GATA4: variants seen among roughly 807,000 people sequenced by gnomAD.
GATA4 encodes transcription factor GATA-4.
A neutral mutation model predicts 37.9 loss-of-function variants in GATA4; 7 were observed. That is an observed-to-expected ratio of 0.18 (90% confidence interval 0.11 to 0.35). GATA4 has a LOEUF of 0.35. GATA4 is among the 10% of genes least tolerant of loss of function. The pLI is 1.00. For missense variants in GATA4, 647 were observed against 653.0 expected, an observed-to-expected ratio of 0.99 and a Z score of 0.10; for synonymous variants, 372 against 292.6, an observed-to-expected ratio of 1.27 and a Z score of -2.77.
intron 2 of GATA4, among the ~76,000 whole-genome samples, chr8:11,723,945 A>C (rs977680367): frequency 8.6e-5 from 13 of 151,880 alleles, no homozygotes; most frequent in Non-Finnish European, 1.6e-4. Context: ...CCCAAGTGAA[A>C]CTCTGTACCC....
At chr8:11,694,463 C>A in intron 1 of GATA4, 1 of 985,252 alleles carries the variant, frequency 1.0e-6, no homozygotes, top group Non-Finnish European at 1.2e-6. Flanking sequence ...TGCGCTGCCA[C>A]CAGCTCTCCG....
At position 11,708,802 on chromosome 8, in the gene GATA4, G is replaced by A. The variant is rs1585596734; in HGVS notation, c.490G>A (p.Ala164Thr). 1 of 1,478,620 alleles carries A rather than the reference G, an allele frequency of 6.8e-7. No individual in the cohort carries two copies. Among genetic ancestry groups the A allele is most frequent in the Middle Eastern group, 2.4e-4 (1 of 4,184 alleles). 91.6% of individuals were successfully genotyped at this position (1,478,620 alleles called of 1,614,324 possible). The change falls in exon 2 of 7, where the codon GCT becomes ACT. Residue 164 changes from alanine to threonine, a missense_variant. Around this residue, in one of 5 missense-constraint regions of GATA4, gnomAD observed 379 missense variants for 334.5 expected, o/e 1.13. Coordinates refer to ENST00000532059, the MANE Select transcript of GATA4 (RefSeq NM_001308093.3). This position sits in a 1 kb window ranked among gnomAD's most constrained non-coding sequence, Gnocchi z 6.7. ...GGGCTCCTACTCCAGCCCCTACCCG[G>A]CTTACATGGCCGACGTGGGCGCGTC... ...FAGSYSSPYP[A>T]YMADVGASWA...
Position 11,707,418 on chromosome 8 carries a change from C to T in GATA4, c.-457-438C>T, listed in dbSNP as rs189141573. Among the ~76,000 whole-genome samples, 439 of 151,950 alleles carry T rather than the reference C, an allele frequency of 2.9e-3. 5 individuals are homozygous for T. The highest frequency in any genetic ancestry group is 9.7e-3 in the African/African-American group (402 of 41,410). On this transcript the variant is annotated intron_variant, in intron 1 of 6. Transcript: ENST00000532059. This position sits in a 1 kb window ranked among gnomAD's most constrained non-coding sequence, Gnocchi z 4.7. ...GGACAATCTAAAGTTCTTTCTAGGCCAGTCTCCCCATCTTTCTTGGGGAGA... is the reference window on the plus strand; with the variant it reads ...GGACAATCTAAAGTTCTTTCTAGGCTAGTCTCCCCATCTTTCTTGGGGAGA...
chr8:11,742,877 G>C (rs1801821980), intron 2 of GATA4, among the ~76,000 whole-genome samples: 1 of 152,258 alleles, frequency 6.6e-6, no homozygotes, highest in African/African-American at 2.4e-5. Flanking sequence ...GGTTCAGCAA[G>C]GGACATTTGG....
At chr8:11,711,203 T>G (rs1321651787) in intron 2 of GATA4, among the ~76,000 whole-genome samples, 1 of 152,234 alleles carries the variant, frequency 6.6e-6, no homozygotes, top group Non-Finnish European at 1.5e-5. Flanking sequence ...TGAAGTGATG[T>G]TTCCCAAATT....
chr8:11,743,303 C>T (rs932184403), intron 2 of GATA4, among the ~76,000 whole-genome samples: 5 of 152,348 alleles, frequency 3.3e-5, no homozygotes, highest in South Asian at 2.1e-4. Context: ...TGGACAGGGG[C>T]GCGTATACAG....
At chr8:11,684,257 C>A (rs1799069516) in intron 1 of GATA4, among the ~76,000 whole-genome samples, 1 of 152,150 alleles carries the variant, frequency 6.6e-6, no homozygotes. Flanking sequence ...CAGGGAGTAG[C>A]CAAAGAATTG....
At chr8:11,719,730 A>G (rs1472819713) in intron 2 of GATA4, among the ~76,000 whole-genome samples, 1 of 152,222 alleles carries the variant, frequency 6.6e-6, no homozygotes, top group Non-Finnish European at 1.5e-5. Flanking sequence ...TTCAGCACTG[A>G]TGGCAATTTC....
intron 2 of GATA4, among the ~76,000 whole-genome samples, chr8:11,721,163 C>G (rs964170955): frequency 1.3e-5 from 2 of 151,358 alleles, no homozygotes; most frequent in African/African-American, 2.4e-5. Context: ...GTGGGTTCTA[C>G]GGAGCCCTTA....
intron 2 of GATA4, among the ~76,000 whole-genome samples, chr8:11,742,070 C>A (rs2130268061): frequency 6.6e-6 from 1 of 152,238 alleles, no homozygotes; most frequent in South Asian, 2.1e-4. Flanking sequence ...CATTGCCATC[C>A]TCTCCTGGAC....
intron 1 of GATA4, among the ~76,000 whole-genome samples, chr8:11,697,407 T>C (rs1359303700): frequency 6.6e-6 from 1 of 152,082 alleles, no homozygotes; most frequent in Non-Finnish European, 1.5e-5. Context: ...CTCCCCTTTC[T>C]TGAGACTGTT....
At position 11,758,536 on chromosome 8, in the gene GATA4, G is replaced by A. The variant is rs1802724854; in HGVS notation, c.*61G>A. 1.3e-6 allele frequency: 2 copies of A among 1,563,574 alleles called. No homozygotes were observed. Among genetic ancestry groups the A allele is most frequent in the South Asian group, 2.2e-5 (2 of 90,006 alleles). ...CTGGGACTTGGAGGATAGCAAAGAA[G>A]GAGGCCCTGGGCTCCCAGGGGCCGG... On this transcript the variant is annotated 3_prime_UTR_variant, in exon 7 of 7. Transcript: ENST00000532059.
At chr8:11,697,290 C>T (rs1041768792) in intron 1 of GATA4, among the ~76,000 whole-genome samples, 3 of 152,220 alleles carry the variant, frequency 2.0e-5, no homozygotes, top group Non-Finnish European at 4.4e-5. Context: ...GGAAACCAGC[C>T]GCAAAGAAAT....
upstream of GATA4, among the ~76,000 whole-genome samples, chr8:11,703,045 C>T (rs1183849226): frequency 6.6e-6 from 1 of 152,216 alleles, no homozygotes; most frequent in African/African-American, 2.4e-5. Context: ...TGATTTCCTA[C>T]TACGGAAGCG....
intron 2 of GATA4, among the ~76,000 whole-genome samples, chr8:11,721,473 G>A (rs183745835): frequency 5.2e-4 from 79 of 151,854 alleles, no homozygotes; most frequent in African/African-American, 1.8e-3. Flanking sequence ...CTGGCTGTTG[G>A]TTTTGTTTTG....
Position 11,708,214 on chromosome 8 carries a change from C to A in GATA4, c.-99C>A. 2.3e-6 allele frequency: 3 copies of A among 1,320,174 alleles called. No homozygotes were observed. Among genetic ancestry groups the A allele is most frequent in the Non-Finnish European group, 2.1e-6 (2 of 952,028 alleles). The allele number at this position is 1,320,174 out of a possible 1,614,324, so 81.8% of individuals were successfully genotyped here. A position where few individuals can be genotyped will look rare whatever the true frequency, so the allele number is the denominator to read the frequency against. ...TTTTGATCTTCGCGACAGTTCCTCC[C>A]ACGCATATTATCGTTGTTGCCGTCG... is the stretch of plus-strand genomic sequence containing the variant. On this transcript the variant is annotated 5_prime_UTR_variant, in exon 2 of 7. Transcript: ENST00000532059. The surrounding 1 kb of genome is among the most constrained non-coding windows in gnomAD (Gnocchi z 6.7).
intron 2 of GATA4, among the ~76,000 whole-genome samples, chr8:11,729,659 C>G (rs764744040): frequency 2.6e-5 from 4 of 152,012 alleles, no homozygotes; most frequent in African/African-American, 7.2e-5. Flanking sequence ...CAGCGTTGGT[C>G]TCTAGTAATC....
intron 2 of GATA4, among the ~76,000 whole-genome samples, chr8:11,729,265 G>A (rs1801087775): frequency 6.6e-6 from 1 of 151,570 alleles, no homozygotes; most frequent in Non-Finnish European, 1.5e-5. Flanking sequence ...CTCCAGTGAT[G>A]TTTGAACAAA....
chr8:11,756,550 G>A (rs2076512324), intron 5 of GATA4: 2 of 342,544 alleles, frequency 5.8e-6, no homozygotes, highest in South Asian at 4.9e-5. Context: ...ACTCCATTCA[G>A]TATGATATTC....
Sources: allele counts gnomAD v4.1 joint callset (sites outside exome capture counted in the v4.1 genomes callset), GRCh38; gene constraint gnomAD v4.1.1; regional missense constraint gnomAD v4.1.1; non-coding constraint Gnocchi (gnomAD v3.1); transcripts MANE v1.5; gene names NCBI Gene and HGNC (gene_info 2026-07-23, HGNC 2026-07-21).